Variants in PDE7A observed in about 807,000 individuals in gnomAD.
PDE7A encodes phosphodiesterase 7A, also known as high affinity 3',5'-cyclic-AMP phosphodiesterase 7A.
PDE7A carries 39 observed loss-of-function variants against 64.3 expected under a neutral mutation model. The ratio of observed to expected loss-of-function variants is 0.61; its 90% CI spans 0.47 to 0.79. The LOEUF (loss-of-function observed/expected upper bound fraction) is 0.79, where lower values mean the gene tolerates loss of function less well. Ranked by LOEUF, PDE7A falls within the 30% of genes least tolerant of loss-of-function variation. The pLI, the probability that PDE7A is intolerant of heterozygous loss-of-function variation, is 0.00. For missense variants in PDE7A, 470 were observed against 582.8 expected, an observed-to-expected ratio of 0.81 and a Z score of 1.99; for synonymous variants, 203 against 206.8, an observed-to-expected ratio of 0.98 and a Z score of 0.16.
At position 65,719,365 on chromosome 8, in the gene PDE7A, C is replaced by A; in HGVS notation, c.1374G>T (p.Gln458His). The part of the protein sequence containing the change: ...KASWKGLQRE[Q>H]SSSEDTDAAF... ...CAGCATCAGTGTCCTCACTGCTCGA[C>A]TGTTCTCTCTGCAGTCCCTTCCAGC... Residue 458 changes from glutamine (Q) to histidine (H), a missense_variant, in exon 13 of 13, where the codon CAG (glutamine) becomes CAT (histidine). By Grantham distance (24) the Gln-to-His change is conservative. Transcript: ENST00000401827. 6.2e-7 allele frequency: 1 copy of A among 1,613,974 alleles called. No homozygotes were observed. The highest frequency in any genetic ancestry group is 2.2e-5 in the East Asian group (1 of 44,896).
At chr8:65,772,745 T>C (rs1276002970) in intron 3 of PDE7A, among the ~76,000 whole-genome samples, 1 of 152,248 alleles carries the variant, frequency 6.6e-6, no homozygotes, top group Non-Finnish European at 1.5e-5. Flanking sequence ...GGTTCATGCC[T>C]GTAATCCCAG....
chr8:65,747,563 A>C, intron 4 of PDE7A, 89 bp downstream of exon 4: 1 of 728,112 alleles, frequency 1.4e-6, no homozygotes, highest in Non-Finnish European at 2.1e-6. Context: ...ACAGAGAAAA[A>C]GACTCTATAA....
At chr8:65,749,554 A>T (rs1807839190) in intron 3 of PDE7A, among the ~76,000 whole-genome samples, 3 of 152,256 alleles carry the variant, frequency 2.0e-5, no homozygotes, top group African/African-American at 7.2e-5. Flanking sequence ...ATTATGTTTA[A>T]ACTAGAATTG....
At chr8:65,758,614 C>T (rs1471779019) in intron 3 of PDE7A, among the ~76,000 whole-genome samples, 2 of 152,232 alleles carry the variant, frequency 1.3e-5, no homozygotes, top group Non-Finnish European at 2.9e-5. Flanking sequence ...TTTCATCTCC[C>T]TCTGTTATGG....
chr8:65,820,531 CTTT>C (rs765211888), intron 1 of PDE7A, among the ~76,000 whole-genome samples: 1 of 152,026 alleles, frequency 6.6e-6, no homozygotes, highest in Non-Finnish European at 1.5e-5. Context: ...ATTAATTATT[CTTT>C]ATCAAACTTT....
chr8:65,822,474 A>G (rs957962802), intron 1 of PDE7A, among the ~76,000 whole-genome samples: 1 of 152,202 alleles, frequency 6.6e-6, no homozygotes, highest in Non-Finnish European at 1.5e-5. Context: ...GGACTTGATA[A>G]TGGTTTGATT....
chr8:65,798,322 G>A (rs1809908544), intron 1 of PDE7A, among the ~76,000 whole-genome samples: 1 of 150,736 alleles, frequency 6.6e-6, no homozygotes, highest in Non-Finnish European at 1.5e-5. Context: ...CAATTCTCCT[G>A]CCTCAGCCTC....
At chr8:65,739,830 A>T (rs1259027397) in intron 5 of PDE7A, among the ~76,000 whole-genome samples, 1 of 152,084 alleles carries the variant, frequency 6.6e-6, no homozygotes, top group African/African-American at 2.4e-5. Context: ...CAAAGAACTG[A>T]AAACTAGACA....
rs36101490 is a variant in PDE7A, at chr8:65,771,884, C to CAAA, written c.283+7833_283+7835dup. Among the ~76,000 whole-genome samples, 384 of 53,850 alleles carry CAAA rather than the reference C, an allele frequency of 7.1e-3. 2 individuals are homozygous for CAAA. Among genetic ancestry groups the CAAA allele is most frequent in the South Asian group, 0.014 (15 of 1,092 alleles). 35.3% of individuals were successfully genotyped at this position (53,850 alleles called of 152,430 possible). On this transcript the variant is annotated intron_variant, in intron 3 of 12. Coordinates refer to ENST00000401827, the MANE Select transcript of PDE7A (RefSeq NM_001242318.3). Reference sequence around the variant, plus strand: ...ATCGAGACTCCGAGACTCCATCTCTCAAAAAAAAAAAAAAAAAAAAAAAGA... The same window carrying CAAA: ...ATCGAGACTCCGAGACTCCATCTCTCAAAAAAAAAAAAAAAAAAAAAAAAAAGA...
rs759254631 is a variant in PDE7A at position 65,727,291 on chromosome 8, G to A, written c.707C>T (p.Ser236Phe). 6.2e-7 allele frequency: 1 copy of A among 1,611,910 alleles called. No homozygotes were observed. The highest frequency in any genetic ancestry group is 1.3e-5 in the African/African-American group (1 of 74,876). ...CAGCAAGATATCCCAAGGAGTTACA[G>A]AATTGGCAAGCTGAAGTGTGACAAA... is the stretch of plus-strand genomic sequence containing the variant. Reference protein sequence around the residue: ...CYLKEPKLANSVTPWDILLSL... With the variant: ...CYLKEPKLANFVTPWDILLSL... Residue 236 changes from serine (S) to phenylalanine (F), a missense_variant, in exon 8 of 13, where the codon TCT (serine) becomes TTT (phenylalanine). Transcript: ENST00000401827.
chr8:65,833,398 A>T (rs2128934829), intron 1 of PDE7A, among the ~76,000 whole-genome samples: 1 of 152,334 alleles, frequency 6.6e-6, no homozygotes, highest in Non-Finnish European at 1.5e-5. Context: ...TACTTCAAAT[A>T]ACTACATCAA....
Position 65,841,391 on chromosome 8 carries a change from T to G in PDE7A, c.118A>C (p.Asn40His). Residue 40 changes from asparagine to histidine, a missense_variant, in exon 1 of 13, where the codon AAT (asparagine) becomes CAT (histidine). Physicochemically the swap from Asn to His is moderately conservative, Grantham distance 68 (BLOSUM62 1). Transcript: ENST00000401827. ...SSSSALFGCPNPRQLSQRRGA... is the reference protein window; with the variant it reads ...SSSSALFGCPHPRQLSQRRGA... ...ATTACCTGAGAGAGCTGCCGGGGAT[T>G]GGGGCAGCCGAAGAGAGCGGAGCTG... 6.4e-7 allele frequency: 1 copy of G among 1,559,696 alleles called. No individual in the cohort carries two copies. Among genetic ancestry groups the G allele is most frequent in the Non-Finnish European group, 8.6e-7 (1 of 1,157,670 alleles).
At position 65,719,360 on chromosome 8, in the gene PDE7A, C is replaced by A. The variant is rs1436732655; in HGVS notation, c.1379G>T (p.Ser460Ile). Residue 460 changes from serine (S) to isoleucine (I), a missense_variant, in exon 13 of 13, where the codon AGC becomes ATC. Ser to Ile is a moderately radical substitution (Grantham distance 142). Coordinates refer to ENST00000401827, the MANE Select transcript of PDE7A (RefSeq NM_001242318.3). ...SWKGLQREQS[S>I]SEDTDAAFEL... ...AAATGCAGCATCAGTGTCCTCACTGCTCGACTGTTCTCTCTGCAGTCCCTT... is the reference window on the plus strand; with the variant it reads ...AAATGCAGCATCAGTGTCCTCACTGATCGACTGTTCTCTCTGCAGTCCCTT... 6 of 1,614,058 alleles carry A rather than the reference C, an allele frequency of 3.7e-6. No individual in the cohort carries two copies. The highest frequency in any genetic ancestry group is 5.1e-6 in the Non-Finnish European group (6 of 1,179,900).
chr8:65,822,401 G>C (rs999697262), intron 1 of PDE7A, among the ~76,000 whole-genome samples: 1 of 152,192 alleles, frequency 6.6e-6, no homozygotes, highest in Non-Finnish European at 1.5e-5. Flanking sequence ...GTGGGAAGGA[G>C]AAAAAGGAGG....
chr8:65,789,289 T>A (rs1809639366), intron 1 of PDE7A, among the ~76,000 whole-genome samples: 1 of 152,246 alleles, frequency 6.6e-6, no homozygotes, highest in African/African-American at 2.4e-5. Context: ...CAAACACTTC[T>A]ACAATCTTAG....
At chr8:65,815,508 A>G (rs1315935890) in intron 1 of PDE7A, among the ~76,000 whole-genome samples, 1 of 152,206 alleles carries the variant, frequency 6.6e-6, no homozygotes, top group Non-Finnish European at 1.5e-5. Context: ...GACACAAAAA[A>G]TATCTGTGCT....
intron 1 of PDE7A, among the ~76,000 whole-genome samples, chr8:65,793,896 C>T (rs970995899): frequency 6.6e-6 from 1 of 152,162 alleles, no homozygotes; most frequent in East Asian, 1.9e-4. Context: ...CTTTCTACAG[C>T]TTCTTACAAC....
chr8:65,759,888 T>G (rs887317421), intron 3 of PDE7A, among the ~76,000 whole-genome samples: 2 of 152,170 alleles, frequency 1.3e-5, no homozygotes, highest in Non-Finnish European at 2.9e-5. Flanking sequence ...ATTTTCTATA[T>G]GTATATATAC....
chr8:65,783,782 T>C lies in PDE7A; in HGVS notation c.139-939A>G, dbSNP rs140657891. Among the ~76,000 whole-genome samples, 922 of 152,340 alleles carry C rather than the reference T, an allele frequency of 6.1e-3. 11 individuals are homozygous for C. The highest frequency in any genetic ancestry group is 0.02 in the African/African-American group (816 of 41,576). On this transcript the variant is annotated intron_variant, in intron 1 of 12. Coordinates refer to ENST00000401827, the MANE Select transcript of PDE7A (RefSeq NM_001242318.3). ...TTGGTAAATAAATGACTAAATGGACTTATTGCAAATTAATAATAACTGATA... is the reference window on the plus strand; with the variant it reads ...TTGGTAAATAAATGACTAAATGGACCTATTGCAAATTAATAATAACTGATA...
Sources: gnomAD v4.1 joint callset for allele counts (sites outside exome capture counted in the v4.1 genomes callset) on GRCh38, gnomAD v4.1.1 for gene constraint, MANE v1.5 for transcripts, NCBI Gene and HGNC (gene_info 2026-07-23, HGNC 2026-07-21) for gene names.